The following RARS1 variants were observed in gnomAD, a reference collection of about 807,000 sequenced individuals.
RARS1 encodes the protein arginine--tRNA ligase, cytoplasmic.
A neutral mutation model predicts 78.7 loss-of-function variants in RARS1; 75 were observed. The observed-to-expected ratio is 0.95, with a 90% CI of 0.79 to 1.15. The LOEUF is 1.15. RARS1 is among the 50% of genes most tolerant of loss of function. The probability of loss-of-function intolerance (pLI) is 0.00; values close to 1 mark genes in which losing one functional copy is unlikely to be tolerated. For synonymous variants in RARS1, 273 were observed against 268.2 expected (o/e 1.02, Z -0.18); for missense variants, 787 against 787.5 (o/e 1.00, Z 0.01).
At chr5:168,491,556 G>T (rs1283692741) in intron 2 of RARS1, among the ~76,000 whole-genome samples, 1 of 152,142 alleles carries the variant, frequency 6.6e-6, no homozygotes, top group Non-Finnish European at 1.5e-5. Flanking sequence ...TCATATGATA[G>T]AGAGGGCTGA....
intron 9 of RARS1, among the ~76,000 whole-genome samples, chr5:168,504,076 AAAG>A (rs1758382711): frequency 6.6e-6 from 1 of 151,400 alleles, no homozygotes; most frequent in Non-Finnish European, 1.5e-5. Context: ...AAAAAAAAAA[AAAG>A]AATAACGAGA....
chr5:168,517,075 C>T (rs1758680656), intron 13 of RARS1, 125 bp downstream of exon 13: 2 of 992,188 alleles, frequency 2.0e-6, no homozygotes, highest in Non-Finnish European at 1.5e-6. Context: ...CCTCCCACCT[C>T]AGCCTCCTGA....
chr5:168,505,881 T>C (rs2305731), intron 9 of RARS1, 140 bp from the exon 10 acceptor site: 22,238 of 781,438 alleles, frequency 0.028, 1,219 homozygotes, highest in Admixed American at 0.2. Context: ...GAAAAAATTA[T>C]GTGCTTTCTT....
intron 1 of RARS1, 82 bp from the exon 2 acceptor site, chr5:168,488,520 C>G: frequency 7.1e-7 from 1 of 1,414,598 alleles, no homozygotes; most frequent in South Asian, 1.4e-5. Context: ...TAATGATTCC[C>G]ATGGTCTATG....
At chr5:168,501,686 G>C (rs941307010) in intron 8 of RARS1, among the ~76,000 whole-genome samples, 1 of 152,106 alleles carries the variant, frequency 6.6e-6, no homozygotes, top group Non-Finnish European at 1.5e-5. Context: ...TCACGCCACT[G>C]TACTCCAGCC....
In RARS1 at chr5:168,517,933, C is replaced by G. The variant is rs754036879; in HGVS notation, c.1744C>G (p.Pro582Ala). The change falls in exon 14 of 15, where the codon CCT becomes GCT. Residue 582 changes from proline to alanine, a missense_variant. Transcript: ENST00000231572. ...WKLGRCILRF[P>A]EILQKILDDL... ...ACTAGGCCGGTGCATTTTACGGTTCCCTGAGATTCTGCAAAAGATTTTAGA... is the reference window on the plus strand; with the variant it reads ...ACTAGGCCGGTGCATTTTACGGTTCGCTGAGATTCTGCAAAAGATTTTAGA... 1.2e-6 allele frequency: 2 copies of G among 1,613,720 alleles called. No homozygotes were observed. Among genetic ancestry groups the G allele is most frequent in the South Asian group, 2.2e-5 (2 of 91,060 alleles).
At chr5:168,512,642 T>G (rs1000907583) in intron 12 of RARS1, among the ~76,000 whole-genome samples, 1 of 152,160 alleles carries the variant, frequency 6.6e-6, no homozygotes, top group Non-Finnish European at 1.5e-5. Flanking sequence ...CTGAAGAACT[T>G]GGAGTCAGAT....
At position 168,519,171 on chromosome 5, in the gene RARS1, A is replaced by G. The variant is rs1384438194; in HGVS notation, c.1964A>G (p.Lys655Arg). The G allele has an allele frequency of 1.9e-6, 3 of 1,613,404 alleles. No homozygotes were observed. The highest frequency in any genetic ancestry group is 2.5e-6 in the Non-Finnish European group (3 of 1,179,396). Residue 655 changes from lysine to arginine, a missense_variant, in exon 15 of 15, where the codon AAA becomes AGA. Coordinates refer to ENST00000231572, the MANE Select transcript of RARS1 (RefSeq NM_002887.4). The stretch of plus-strand genomic sequence containing the variant: ...AAGGGGTTTGATATCCTGGGAATAA[A>G]ACCTGTCCAAAGGATGTAATCCTTC... ...MAKGFDILGI[K>R]PVQRM is the part of the protein sequence containing the mutation.
Position 168,517,688 on chromosome 5 carries a change from C to T in RARS1, c.1626-127C>T, listed in dbSNP as rs72836363. 0.16 allele frequency: 198,908 copies of T among 1,261,386 alleles called. 16,851 individuals are homozygous for T. Among genetic ancestry groups the T allele is most frequent in the Non-Finnish European group, 0.18 (167,837 of 956,776 alleles). The allele number at this position is 1,261,386 out of a possible 1,614,324, so 78.1% of individuals were successfully genotyped here. A position where few individuals can be genotyped will look rare whatever the true frequency, so the allele number is the denominator to read the frequency against. ...CTATTAGTTTTGCCTAATAGTATAT[C>T]GTATAATAAAATACTTCATTTTATA... is the stretch of plus-strand genomic sequence containing the variant. On this transcript the variant is annotated intron_variant, in intron 13 of 14. Coordinates refer to ENST00000231572, the MANE Select transcript of RARS1 (RefSeq NM_002887.4).
chr5:168,518,069 G>GTGTTTTTTTTTTTTTTTTTTTTTTTT lies in RARS1; in HGVS notation c.1873+8_1873+9insGTTTTTTTTTTTTTTTTTTTTTTTTT. ...GAGAAAGATAGACAGACTGGTGAGT[G>GTGTTTTTTTTTTTTTTTTTTTTTTTT]TCTTTTTTTTTTTTTTTTTTTTTTT... On this transcript the variant is annotated splice_region_variant and intron_variant, in intron 14 of 14. Coordinates refer to ENST00000231572, the MANE Select transcript of RARS1 (RefSeq NM_002887.4). 2 of 675,710 alleles carry GTGTTTTTTTTTTTTTTTTTTTTTTTT rather than the reference G, an allele frequency of 3.0e-6. No homozygotes were observed. The highest frequency in any genetic ancestry group is 1.9e-6 in the Non-Finnish European group (1 of 533,972). 41.9% of individuals were successfully genotyped at this position (675,710 alleles called of 1,614,324 possible). A position where few individuals can be genotyped will look rare whatever the true frequency, so the allele number is the denominator to read the frequency against.
At chr5:168,509,527 C>T (rs1758524358) in intron 11 of RARS1, among the ~76,000 whole-genome samples, 1 of 146,608 alleles carries the variant, frequency 6.8e-6, no homozygotes, top group South Asian at 2.3e-4. Flanking sequence ...ATTCAGTTTT[C>T]TCAAAATGCT....
At chr5:168,497,152 G>C (rs1262022617) in intron 6 of RARS1, 76 bp from the exon 7 acceptor site, 1 of 1,147,832 alleles carries the variant, frequency 8.7e-7, no homozygotes, top group Non-Finnish European at 1.2e-6. Context: ...GTTCCTAATG[G>C]AATATAGTTC....
At chr5:168,505,735 A>G (rs1400990133) in intron 9 of RARS1, among the ~76,000 whole-genome samples, 1 of 140,958 alleles carries the variant, frequency 7.1e-6, no homozygotes, top group African/African-American at 2.6e-5. Flanking sequence ...AAAAAAAAAA[A>G]GCAGTTGGGA....
intron 2 of RARS1, 122 bp downstream of exon 2, chr5:168,488,858 C>T (rs1758022712): frequency 8.4e-7 from 1 of 1,184,934 alleles, no homozygotes. Flanking sequence ...CATAGAAACC[C>T]TATTCTTTTC....
chr5:168,506,239 T>G (rs745635602), intron 10 of RARS1, 40 bp downstream of exon 10: 69 of 1,453,608 alleles, frequency 4.7e-5, no homozygotes, highest in Non-Finnish European at 6.3e-5. Context: ...ATTGACTGAT[T>G]AGAGGTAAGA....
At chr5:168,514,558 C>T (rs192400749) in intron 12 of RARS1, among the ~76,000 whole-genome samples, 78 of 152,160 alleles carry the variant, frequency 5.1e-4, no homozygotes, top group Middle Eastern at 3.4e-3. Flanking sequence ...CATTTTAAAA[C>T]GGTTTTAGAC....
At chr5:168,489,339 C>T (rs1372005089) in intron 2 of RARS1, among the ~76,000 whole-genome samples, 1 of 152,180 alleles carries the variant, frequency 6.6e-6, no homozygotes. Flanking sequence ...GCATTTCTTT[C>T]AACAGTTTAT....
At chr5:168,517,688 C>A (rs72836363) in intron 13 of RARS1, 127 bp from the exon 14 acceptor site, 13 of 1,266,528 alleles carry the variant, frequency 1.0e-5, no homozygotes, top group African/African-American at 1.5e-5. Context: ...AATAGTATAT[C>A]GTATAATAAA....
chr5:168,501,559 C>G (rs967653431), intron 8 of RARS1, among the ~76,000 whole-genome samples: 1 of 152,160 alleles, frequency 6.6e-6, no homozygotes, highest in African/African-American at 2.4e-5. Context: ...CCCATCTCTA[C>G]TAAAAGTGGA....
Sources: allele counts gnomAD v4.1 joint callset (sites outside exome capture counted in the v4.1 genomes callset), GRCh38; gene constraint gnomAD v4.1.1; transcripts MANE v1.5; gene names NCBI Gene and HGNC (gene_info 2026-07-23, HGNC 2026-07-21).